The following SLC25A46 variants were observed in gnomAD, a reference collection of about 807,000 sequenced individuals.
SLC25A46 encodes solute carrier family 25 member 46, also known as mitochondrial outer membrane protein SLC25A46.
SLC25A46 carries 39 observed loss-of-function variants against 44.6 expected under a neutral mutation model. The ratio of observed to expected loss-of-function variants is 0.87; its 90% CI spans 0.68 to 1.14. The LOEUF (loss-of-function observed/expected upper bound fraction) is 1.14. SLC25A46 is among the 50% of genes most tolerant of loss of function. The pLI is 0.00. For missense variants in SLC25A46, 547 were observed against 522.7 expected (o/e 1.05, Z -0.45); for synonymous variants, 202 against 185.8 (o/e 1.09, Z -0.71).
intron 5 of SLC25A46, among the ~76,000 whole-genome samples, chr5:110,752,380 C>A (rs1799987655): frequency 6.6e-6 from 1 of 152,060 alleles, no homozygotes; most frequent in African/African-American, 2.4e-5. Flanking sequence ...TCGTTCTACC[C>A]CCACAGTACC....
intron 7 of SLC25A46, among the ~76,000 whole-genome samples, chr5:110,760,587 T>TTCTA (rs920741803): frequency 6.6e-6 from 1 of 152,162 alleles, no homozygotes; most frequent in Non-Finnish European, 1.5e-5. Flanking sequence ...GCAAGTTCTT[T>TTCTA]TCTATCTATC....
rs1172199146 is a variant in SLC25A46, at chr5:110,764,058, TTAAGA to T, written c.*2280_*2284del. 1.3e-5 allele frequency: 2 copies of T among 151,838 alleles called. No individual in the cohort carries two copies. The highest frequency in any genetic ancestry group is 2.4e-5 in the African/African-American group (1 of 41,408). 9.4% of individuals were successfully genotyped at this position (151,838 alleles called of 1,614,324 possible). ...ATCAAATATCCATGGGCTATACTTC[TTAAGA>T]TAATAACAGCTCAAAATAATATTTT... On this transcript the variant is annotated 3_prime_UTR_variant, in exon 8 of 8. Coordinates refer to ENST00000355943, the MANE Select transcript of SLC25A46 (RefSeq NM_138773.4).
Position 110,742,049 on chromosome 5 carries a change from C to A in SLC25A46, c.286C>A (p.Gln96Lys). ...GGSVQGQSSEQLNRFAGFGIG... is the reference protein window; with the variant it reads ...GGSVQGQSSEKLNRFAGFGIG... ...ATTTCTATTTTTTTTTACTTTAGAA[C>A]AGCTGAATAGATTTGCTGGATTTGG... is the stretch of plus-strand genomic sequence containing the variant. The change falls in exon 2 of 8, where the codon CAG (glutamine) becomes AAG (lysine). Residue 96 changes from glutamine (Q) to lysine (K), a missense_variant and splice_region_variant. By Grantham distance (53) the Gln-to-Lys change is moderately conservative. Coordinates refer to ENST00000355943, the MANE Select transcript of SLC25A46 (RefSeq NM_138773.4). 6.4e-7 allele frequency: 1 copy of A among 1,566,318 alleles called. No individual in the cohort carries two copies. The highest frequency in any genetic ancestry group is 8.7e-7 in the Non-Finnish European group (1 of 1,151,006).
At chr5:110,741,011 T>C (rs1193858241) in intron 1 of SLC25A46, among the ~76,000 whole-genome samples, 1 of 152,162 alleles carries the variant, frequency 6.6e-6, no homozygotes, top group African/African-American at 2.4e-5. Context: ...TAAAAGAAGC[T>C]TTCTATTTAG....
intron 7 of SLC25A46, among the ~76,000 whole-genome samples, chr5:110,760,849 G>A (rs1800230713): frequency 6.6e-6 from 1 of 152,070 alleles, no homozygotes; most frequent in African/African-American, 2.4e-5. Flanking sequence ...GTAAGTAATG[G>A]AGCCAGGATT....
chr5:110,762,002 T>C lies in SLC25A46; in HGVS notation c.*220T>C, dbSNP rs1800266724. On this transcript the variant is annotated 3_prime_UTR_variant, in exon 8 of 8. Coordinates refer to ENST00000355943, the MANE Select transcript of SLC25A46 (RefSeq NM_138773.4). ...TTGAAAACTCAATAAAAATAACACT[T>C]ATTAAATTCTAGTTAGTGTAGCACT... 2 of 446,442 alleles carry C rather than the reference T, an allele frequency of 4.5e-6. No individual in the cohort carries two copies. Among genetic ancestry groups the C allele is most frequent in the South Asian group, 6.2e-5 (2 of 32,082 alleles). The allele number at this position is 446,442 out of a possible 1,614,324, so 27.7% of individuals were successfully genotyped here. A position where few individuals can be genotyped will look rare whatever the true frequency, so the allele number is the denominator to read the frequency against.
chr5:110,751,256 A>G (rs1799963467), intron 5 of SLC25A46, among the ~76,000 whole-genome samples: 1 of 152,252 alleles, frequency 6.6e-6, no homozygotes, highest in Non-Finnish European at 1.5e-5. Context: ...ACATTCACTA[A>G]GAACAATAAT....
rs1231566062 is a variant in SLC25A46 at position 110,739,523 on chromosome 5, C to T, written c.283+121C>T. ...CTATTCCTTCTCATCCTATCGCGCG[C>T]CACACCCTTTGCCCTCCTTTGGTCC... On this transcript the variant is annotated intron_variant, in intron 1 of 7. Coordinates refer to ENST00000355943, the MANE Select transcript of SLC25A46 (RefSeq NM_138773.4). The T allele has an allele frequency of 2.9e-6, 4 of 1,359,238 alleles. No homozygotes were observed. In the South Asian group the frequency reaches 5.9e-5, roughly 20 times the overall value. 84.2% of individuals were successfully genotyped at this position (1,359,238 alleles called of 1,614,324 possible).
At chr5:110,746,692 T>G (rs1209824960) in intron 4 of SLC25A46, among the ~76,000 whole-genome samples, 2 of 152,184 alleles carry the variant, frequency 1.3e-5, no homozygotes, top group Non-Finnish European at 2.9e-5. Context: ...GAGAAGTACC[T>G]TATCAAAACT....
chr5:110,752,410 G>A (rs1002441284), intron 5 of SLC25A46, among the ~76,000 whole-genome samples: 1 of 152,036 alleles, frequency 6.6e-6, no homozygotes, highest in African/African-American at 2.4e-5. Flanking sequence ...ATTTACATGT[G>A]GCTTTTTTCA....
At chr5:110,738,970 G>T, upstream of SLC25A46, 1 of 1,449,340 alleles carries the variant, frequency 6.9e-7, no homozygotes, top group Non-Finnish European at 9.0e-7. Context: ...CACGTGCTCC[G>T]AAGACTTCCG....
intron 1 of SLC25A46, among the ~76,000 whole-genome samples, chr5:110,740,346 A>G (rs1308121969): frequency 6.6e-6 from 1 of 152,216 alleles, no homozygotes; most frequent in Non-Finnish European, 1.5e-5. Flanking sequence ...ACTAAGAAGA[A>G]CAGACTAACG....
At chr5:110,752,433 G>A (rs1271528555) in intron 5 of SLC25A46, among the ~76,000 whole-genome samples, 2 of 151,988 alleles carry the variant, frequency 1.3e-5, no homozygotes, top group Non-Finnish European at 2.9e-5. Flanking sequence ...CTGTTAACGC[G>A]AGGTAGGAGT....
intron 5 of SLC25A46, chr5:110,753,426 T>C (rs1471546787): frequency 6.6e-6 from 1 of 151,996 alleles, no homozygotes; most frequent in African/African-American, 2.4e-5. Flanking sequence ...AGTATGTGTT[T>C]TGATTTGTTA....
chr5:110,762,035 A>C lies in SLC25A46; in HGVS notation c.*253A>C. On this transcript the variant is annotated 3_prime_UTR_variant, in exon 8 of 8. Transcript: ENST00000355943. ...TCTAGTTAGTGTAGCACTCATGCTGAAGTAAACATGATCGTAGGCAGAAGC... is the reference window on the plus strand; with the variant it reads ...TCTAGTTAGTGTAGCACTCATGCTGCAGTAAACATGATCGTAGGCAGAAGC... 1 of 328,294 alleles carries C rather than the reference A, an allele frequency of 3.0e-6. No individual in the cohort carries two copies. The highest frequency in any genetic ancestry group is 5.6e-6 in the Non-Finnish European group (1 of 179,856). The allele number at this position is 328,294 out of a possible 1,614,324, so 20.3% of individuals were successfully genotyped here.
chr5:110,759,979 T>C (rs1289587654), intron 7 of SLC25A46, among the ~76,000 whole-genome samples: 1 of 152,134 alleles, frequency 6.6e-6, no homozygotes, highest in African/African-American at 2.4e-5. Flanking sequence ...TCGAAAAATC[T>C]TAGGTTGAGA....
intron 1 of SLC25A46, among the ~76,000 whole-genome samples, chr5:110,740,277 G>C (rs1379522568): frequency 1.3e-5 from 2 of 152,076 alleles, no homozygotes; most frequent in Admixed American, 1.3e-4. Context: ...TAAATTTATT[G>C]TAGAAATCAG....
rs73230112 is a variant in SLC25A46, at chr5:110,739,397, G to A, written c.278G>A (p.Ser93Asn). 2.6e-4 allele frequency: 405 copies of A among 1,543,156 alleles called. 1 individual carries two copies. The African/African-American group carries it at 5.1e-3, about 20-fold the overall frequency. ...GGCGGCGGCAGTGTGCAGGGGCAGA[G>A]CAGTGGTGAGAAGCATGGGGACCGA... Reference protein sequence around the residue: ...SGGGGSVQGQSSEQLNRFAGF... With the variant: ...SGGGGSVQGQNSEQLNRFAGF... Residue 93 changes from serine to asparagine, a missense_variant, in exon 1 of 8, where the codon AGC (serine) becomes AAC (asparagine). By Grantham distance (46) the Ser-to-Asn change is conservative. Transcript: ENST00000355943.
chr5:110,742,775 T>C (rs934550500), intron 2 of SLC25A46, among the ~76,000 whole-genome samples: 1 of 152,092 alleles, frequency 6.6e-6, no homozygotes, highest in African/African-American at 2.4e-5. Flanking sequence ...ATCTAGATTT[T>C]GTTCATAATC....
Sources: allele counts gnomAD v4.1 joint callset (sites outside exome capture counted in the v4.1 genomes callset), GRCh38; gene constraint gnomAD v4.1.1; transcripts MANE v1.5; gene names NCBI Gene and HGNC (gene_info 2026-07-23, HGNC 2026-07-21).